MYADML2: variants seen among roughly 807,000 people sequenced by gnomAD.
MYADML2 encodes the protein myeloid associated differentiation marker like 2.
A neutral mutation model predicts 16.0 loss-of-function variants in MYADML2; 17 were observed. The observed-to-expected ratio is 1.06, with a 90% CI of 0.73 to 1.60. The LOEUF (loss-of-function observed/expected upper bound fraction) is 1.60, where lower values mean the gene tolerates loss of function less well. Among genes scored for constraint, MYADML2 ranks in the 40% most tolerant of loss-of-function variants. The pLI is 0.00. For missense variants in MYADML2, 422 were observed against 437.7 expected, an observed-to-expected ratio of 0.96 and a Z score of 0.32; for synonymous variants, 210 against 208.1, an observed-to-expected ratio of 1.01 and a Z score of -0.08.
chr17:81,945,323 A>C (rs553324527), intron 1 of MYADML2, among the ~76,000 whole-genome samples: 139 of 152,100 alleles, frequency 9.1e-4, no homozygotes, highest in Middle Eastern at 3.4e-3. Flanking sequence ...GCGGATCACG[A>C]GGTCAGGAGA....
At chr17:81,943,683 G>A (rs1016664786) in intron 1 of MYADML2, among the ~76,000 whole-genome samples, 3 of 152,064 alleles carry the variant, frequency 2.0e-5, no homozygotes, top group Non-Finnish European at 4.4e-5. Context: ...GATTACAGGC[G>A]TTAGCCACCT....
intron 1 of MYADML2, among the ~76,000 whole-genome samples, chr17:81,945,976 C>T (rs1238114368): frequency 5.3e-5 from 8 of 152,102 alleles, no homozygotes; most frequent in Non-Finnish European, 2.9e-5. Context: ...CCTCGGTTGG[C>T]CAGAGGGCGG....
chr17:81,943,392 TTTTTTTTC>T (rs1003928645), intron 1 of MYADML2, among the ~76,000 whole-genome samples: 2 of 147,820 alleles, frequency 1.4e-5, no homozygotes, highest in African/African-American at 2.5e-5. Flanking sequence ...TCTTACTAAT[TTTTTTTTC>T]TTTTTTTCTT....
chr17:81,943,974 T>C (rs2143925059), intron 1 of MYADML2, among the ~76,000 whole-genome samples: 1 of 150,524 alleles, frequency 6.6e-6, no homozygotes, highest in East Asian at 2.0e-4. Context: ...TAGCCAGGTG[T>C]GGTGGCACGT....
intron 2 of MYADML2, 121 bp from the exon 3 acceptor site, chr17:81,941,964 G>A: frequency 4.1e-6 from 2 of 491,748 alleles, no homozygotes; most frequent in South Asian, 4.1e-5. Flanking sequence ...ATAGCAGCTT[G>A]CGTGCCTGTC....
chr17:81,941,851 G>A lies in MYADML2; in HGVS notation c.-102-8C>T, dbSNP rs1393612621. 3.6e-6 allele frequency: 4 copies of A among 1,101,108 alleles called. No individual in the cohort carries two copies. The highest frequency in any genetic ancestry group is 5.1e-6 in the Non-Finnish European group (4 of 786,660). 68.2% of individuals were successfully genotyped at this position (1,101,108 alleles called of 1,614,324 possible). A position where few individuals can be genotyped will look rare whatever the true frequency, so the allele number is the denominator to read the frequency against. On this transcript the variant is annotated splice_polypyrimidine_tract_variant and splice_region_variant and intron_variant, in intron 2 of 2. Coordinates refer to ENST00000409745, the MANE Select transcript of MYADML2 (RefSeq NM_001145113.3). ...GTGGCAGGTGCCTGCAGCCTGCAGAGGCAGTGACGACGGTGACATTGCAGC... is the reference window on the plus strand; with the variant it reads ...GTGGCAGGTGCCTGCAGCCTGCAGAAGCAGTGACGACGGTGACATTGCAGC...
At position 81,941,288 on chromosome 17, in the gene MYADML2, G is replaced by A. The variant is rs771807706; in HGVS notation, c.454C>T (p.Arg152Trp). Residue 152 changes from arginine (R) to tryptophan (W), a missense_variant, in exon 3 of 3, where the codon CGG becomes TGG. By Grantham distance (101) the Arg-to-Trp change is moderately radical (BLOSUM62 -3). Transcript: ENST00000409745. ...YAVEVALTRARPGQVSSYMAT... is the reference protein window; with the variant it reads ...YAVEVALTRAWPGQVSSYMAT... ...ATATAGCTGCTCACCTGGCCGGGCC[G>A]GGCCCGCGTCAGGGCCACCTCCACA... The A allele has an allele frequency of 1.9e-5, 30 of 1,549,868 alleles. 1 individual carries two copies. In the Middle Eastern group the frequency reaches 5.0e-4, roughly 26 times the overall value.
rs945011339 is a variant in MYADML2, at chr17:81,941,381, C to T, written c.361G>A (p.Gly121Ser). ...AGGCGGAAGTCCCTGGCAGCACAGC[C>T]GGCGGGCTCGGGGGAACACTCCCGC... is the stretch of plus-strand genomic sequence containing the variant. Reference protein sequence around the residue: ...ARRECSPEPAGCAARDFRLAA... With the variant: ...ARRECSPEPASCAARDFRLAA... Residue 121 changes from glycine to serine, a missense_variant, in exon 3 of 3, where the codon GGC (glycine) becomes AGC (serine). Gly to Ser is a moderately conservative substitution (Grantham distance 56). Transcript: ENST00000409745. 1.2e-5 allele frequency: 19 copies of T among 1,548,570 alleles called. No individual in the cohort carries two copies. Among genetic ancestry groups the T allele is most frequent in the Middle Eastern group, 1.7e-4 (1 of 5,968 alleles).
At chr17:81,944,500 T>C (rs2041329251) in intron 1 of MYADML2, among the ~76,000 whole-genome samples, 2 of 152,172 alleles carry the variant, frequency 1.3e-5, no homozygotes. Flanking sequence ...AGGAGTCTTT[T>C]ATTGTGGTAT....
chr17:81,940,387 T>C lies in MYADML2; in HGVS notation c.*431A>G, dbSNP rs1042782470. 3.1e-5 allele frequency: 5 copies of C among 163,304 alleles called. No individual in the cohort carries two copies. The highest frequency in any genetic ancestry group is 7.2e-5 in the African/African-American group (3 of 41,734). The allele number at this position is 163,304 out of a possible 1,614,324, so 10.1% of individuals were successfully genotyped here. ...AAGTCATTCCTCTTTCAGCTTGCCT[T>C]ACCCAGCCTGACTGTGGTCTCCAGA... On this transcript the variant is annotated 3_prime_UTR_variant, in exon 3 of 3. Coordinates refer to ENST00000409745, the MANE Select transcript of MYADML2 (RefSeq NM_001145113.3).
At position 81,941,074 on chromosome 17, in the gene MYADML2, A is replaced by G. The variant is rs1358279062; in HGVS notation, c.668T>C (p.Leu223Pro). ...CACCAGCCGGTCAAAGGGGCAGCCC[A>G]GGCCCCCTGTGTGGCCCATCACACT... is the stretch of plus-strand genomic sequence containing the variant. ...ALSVMGHTGGLGCPFDRLVVV... is the reference protein window; with the variant it reads ...ALSVMGHTGGPGCPFDRLVVV... Residue 223 changes from leucine to proline, a missense_variant, in exon 3 of 3, where the codon CTG becomes CCG. Transcript: ENST00000409745. 3 of 1,550,278 alleles carry G rather than the reference A, an allele frequency of 1.9e-6. No individual in the cohort carries two copies. The highest frequency in any genetic ancestry group is 2.6e-6 in the Non-Finnish European group (3 of 1,146,994).
chr17:81,945,924 C>T (rs539469491), intron 1 of MYADML2, among the ~76,000 whole-genome samples: 68 of 152,134 alleles, frequency 4.5e-4, no homozygotes, highest in African/African-American at 1.6e-3. Flanking sequence ...TTCTGTGAGC[C>T]ACTCCAGCAA....
In MYADML2 at chr17:81,941,716, C is replaced by T. The variant is rs1208113343; in HGVS notation, c.26G>A (p.Gly9Glu). The T allele has an allele frequency of 2.0e-6, 3 of 1,530,716 alleles. No individual in the cohort carries two copies. The Admixed American group carries it at 6.1e-5, about 31-fold the overall frequency. 94.8% of individuals were successfully genotyped at this position (1,530,716 alleles called of 1,614,324 possible). The change falls in exon 3 of 3, where the codon GGG (glycine) becomes GAG (glutamate). Residue 9 changes from glycine (G) to glutamate (E), a missense_variant. Gly to Glu is a moderately conservative substitution (Grantham distance 98). Transcript: ENST00000409745. MGSTMEPP[G>E]GAYLHLGAVT... is the part of the protein sequence containing the mutation. Reference sequence around the variant, plus strand: ...GGCGCCCAGGTGCAGGTACGCACCCCCAGGGGGCTCCATGGTGCTGCCCAT... The same window carrying T: ...GGCGCCCAGGTGCAGGTACGCACCCTCAGGGGGCTCCATGGTGCTGCCCAT...
chr17:81,946,055 G>A (rs1169360690), intron 1 of MYADML2, among the ~76,000 whole-genome samples: 1 of 151,912 alleles, frequency 6.6e-6, no homozygotes, highest in African/African-American at 2.4e-5. Flanking sequence ...ACCTCAGACT[G>A]AAAATACAAA....
At chr17:81,941,873 C>A in intron 2 of MYADML2, 30 bp from the exon 3 acceptor site, 1 of 865,680 alleles carries the variant, frequency 1.2e-6, no homozygotes, top group South Asian at 1.9e-5. Context: ...GGTGACATTG[C>A]AGCAGGGCAG....
In MYADML2 at chr17:81,942,043, C is replaced by T. The variant is rs1477699405; in HGVS notation, c.-102-200G>A. ...CCTGCCGGGACCATTAACCCATTGG[C>T]TGCTGGCACCACCCCCACCTCCGCC... On this transcript the variant is annotated intron_variant, in intron 2 of 2. Transcript: ENST00000409745. This position sits in a 1 kb window ranked among gnomAD's most constrained non-coding sequence, Gnocchi z 4.4. 3.1e-6 allele frequency: 1 copy of T among 321,832 alleles called. No individual in the cohort carries two copies. Among genetic ancestry groups the T allele is most frequent in the Non-Finnish European group, 5.7e-6 (1 of 175,600 alleles). The allele number at this position is 321,832 out of a possible 1,614,324, so 19.9% of individuals were successfully genotyped here. A position where few individuals can be genotyped will look rare whatever the true frequency, so the allele number is the denominator to read the frequency against.
intron 1 of MYADML2, among the ~76,000 whole-genome samples, chr17:81,946,430 C>T (rs28589388): frequency 0.23 from 34,020 of 151,112 alleles, 4,039 homozygotes; most frequent in South Asian, 0.36. Flanking sequence ...GGGCGGATCA[C>T]AAGGTCAGGA....
chr17:81,946,227 T>C (rs542481122), intron 1 of MYADML2, among the ~76,000 whole-genome samples: 10 of 151,400 alleles, frequency 6.6e-5, no homozygotes, highest in African/African-American at 1.2e-4. Context: ...TGGTGGTGGG[T>C]GCCTGTAGTC....
At chr17:81,946,235 G>A (rs958761647) in intron 1 of MYADML2, among the ~76,000 whole-genome samples, 21 of 151,632 alleles carry the variant, frequency 1.4e-4, no homozygotes, top group African/African-American at 3.9e-4. Context: ...GGTGCCTGTA[G>A]TCCCAGCTAC....
Sources: allele counts gnomAD v4.1 joint callset (sites outside exome capture counted in the v4.1 genomes callset), GRCh38; gene constraint gnomAD v4.1.1; non-coding constraint Gnocchi (gnomAD v3.1); transcripts MANE v1.5; gene names NCBI Gene and HGNC (gene_info 2026-07-23, HGNC 2026-07-21).